LIG1: variants seen among roughly 807,000 people sequenced by gnomAD.
LIG1 encodes ligase I, DNA, ATP-dependent.
In LIG1, 70 loss-of-function variants were observed where a neutral mutation model predicts 115.7. The ratio of observed to expected loss-of-function variants is 0.60; its 90% CI spans 0.50 to 0.74. LIG1 has a LOEUF of 0.74. Ranked by LOEUF, LIG1 falls within the 30% of genes least tolerant of loss-of-function variation. The pLI is 0.00. For missense variants in LIG1, 1,115 were observed against 1,225.6 expected (o/e 0.91, Z 1.35); for synonymous variants, 487 against 495.3 (o/e 0.98, Z 0.22).
Position 48,137,491 on chromosome 19 carries a change from G to C in LIG1, c.1254+31C>G. On this transcript the variant is annotated intron_variant, in intron 13 of 27. Coordinates refer to ENST00000263274, the MANE Select transcript of LIG1 (RefSeq NM_000234.3). The surrounding 1 kb of genome is among the most constrained non-coding windows in gnomAD (Gnocchi z 4.3). ...TGGCCTCAGGTCCCCAAGATGTCTG[G>C]GGTCCGGGATGAGCGGCCCGCCCCA... 1.3e-5 allele frequency: 21 copies of C among 1,607,908 alleles called. No individual in the cohort carries two copies. Among genetic ancestry groups the C allele is most frequent in the Non-Finnish European group, 1.7e-5 (20 of 1,179,854 alleles).
intron 19 of LIG1, among the ~76,000 whole-genome samples, chr19:48,129,117 A>G (rs1163122551): frequency 6.6e-6 from 1 of 151,388 alleles, no homozygotes; most frequent in Non-Finnish European, 1.5e-5. Context: ...CAGTGGTGCA[A>G]TCTCCGCTCA....
At chr19:48,152,818 C>T (rs965198357) in intron 6 of LIG1, among the ~76,000 whole-genome samples, 24 of 152,112 alleles carry the variant, frequency 1.6e-4, no homozygotes, top group Admixed American at 6.5e-5. Context: ...CAGGAAATGA[C>T]GTTGGCAGTT....
chr19:48,136,047 CGT>C lies in LIG1; in HGVS notation c.1408_1409del (p.Thr470AlafsTer89). ...ACAGGAGCTCACCTTGGCCCGGGGG[CGT>C]GAGGCTCACTGCCTGGGAGAGGGCA... Reference protein sequence around the residue: ...LAALSQAVSLTPPGQEFPPAM... With the variant: ...LAALSQAVSLXPPGQEFPPAM... On this transcript the variant is annotated frameshift_variant, in exon 15 of 28. Transcript: ENST00000263274. LOFTEE classifies it high-confidence loss of function. 1 of 1,566,038 alleles carries C rather than the reference CGT, an allele frequency of 6.4e-7. No homozygotes were observed. Among genetic ancestry groups the C allele is most frequent in the South Asian group, 1.2e-5 (1 of 85,092 alleles).
chr19:48,133,530 C>T (rs1360751298), intron 17 of LIG1: 8 of 307,688 alleles, frequency 2.6e-5, no homozygotes, highest in Non-Finnish European at 4.4e-5. Flanking sequence ...TCCCTGGCCA[C>T]CTCCCTTGCT....
intron 21 of LIG1, chr19:48,127,000 G>A (rs184112747): frequency 2.7e-5 from 13 of 474,290 alleles, no homozygotes; most frequent in Admixed American, 6.6e-5. Flanking sequence ...ATTCTCCTGC[G>A]TGCTTCTACG....
chr19:48,161,190 G>A (rs1485389915), intron 4 of LIG1, 182 bp downstream of exon 4: 15 of 792,222 alleles, frequency 1.9e-5, no homozygotes, highest in African/African-American at 6.8e-5. Context: ...GAGCCCACCC[G>A]AGGTCCTAGG....
In LIG1 at chr19:48,131,070, G is replaced by A. The variant is rs2033990065; in HGVS notation, c.1821+6C>T. 1 of 1,612,058 alleles carries A rather than the reference G, an allele frequency of 6.2e-7. No individual in the cohort carries two copies. The highest frequency in any genetic ancestry group is 8.5e-7 in the Non-Finnish European group (1 of 1,178,128). ...GGCAGAGTGCAAGTGTGTGGCAGACGCCCACCTTGGGGATGCGGCTGATGA... is the reference window on the plus strand; with the variant it reads ...GGCAGAGTGCAAGTGTGTGGCAGACACCCACCTTGGGGATGCGGCTGATGA... On this transcript the variant is annotated splice_donor_region_variant and intron_variant, in intron 19 of 27. Coordinates refer to ENST00000263274, the MANE Select transcript of LIG1 (RefSeq NM_000234.3).
intron 6 of LIG1, among the ~76,000 whole-genome samples, chr19:48,151,646 G>A (rs2122862364): frequency 1.3e-5 from 2 of 152,202 alleles, no homozygotes; most frequent in Admixed American, 1.3e-4. Flanking sequence ...GGCCAGGCTG[G>A]TCTTGAACTA....
rs548324546 is a variant in LIG1 at position 48,121,669 on chromosome 19, C to T, written c.2233-347G>A. On this transcript the variant is annotated intron_variant, in intron 23 of 27. Transcript: ENST00000263274. ...ATACAAAATTAGCCGGGCGTGGTGG[C>T]GTGTGCCTGTAATCCCAGCTACTTG... is the stretch of plus-strand genomic sequence containing the variant. Among the ~76,000 whole-genome samples the T allele has an allele frequency of 2.6e-5, 4 of 152,206 alleles. No homozygotes were observed. The East Asian group carries it at 5.8e-4, about 22-fold the overall frequency.
In LIG1 at chr19:48,151,291, T is replaced by A; in HGVS notation, c.515A>T (p.Glu172Val). ...CTGGTCCCCGTCTTCTCCTTCCTTC[T>A]CTGTGGCCACTTCAGCCTCTGTGAG... is the stretch of plus-strand genomic sequence containing the variant. Reference protein sequence around the residue: ...ESLTEAEVATEKEGEDGDQPT... With the variant: ...ESLTEAEVATVKEGEDGDQPT... Residue 172 changes from glutamate (E) to valine (V), a missense_variant, in exon 7 of 28, where the codon GAG (glutamate) becomes GTG (valine). By Grantham distance (121) the Glu-to-Val change is moderately radical. Transcript: ENST00000263274. 6.2e-7 allele frequency: 1 copy of A among 1,613,962 alleles called. No homozygotes were observed.
At chr19:48,121,575 G>A (rs1240722154) in intron 23 of LIG1, among the ~76,000 whole-genome samples, 1 of 152,188 alleles carries the variant, frequency 6.6e-6, no homozygotes, top group Non-Finnish European at 1.5e-5. Context: ...GCCGAGGCGG[G>A]TGGATCACCT....
At chr19:48,165,711 A>G in intron 1 of LIG1, 88 bp from the exon 2 acceptor site, 1 of 985,586 alleles carries the variant, frequency 1.0e-6, no homozygotes, top group Non-Finnish European at 1.6e-6. Flanking sequence ...GAAAGAAAGA[A>G]AAAAAAAAAC....
chr19:48,118,156 G>C (rs2032997156), intron 25 of LIG1, among the ~76,000 whole-genome samples: 1 of 152,142 alleles, frequency 6.6e-6, no homozygotes, highest in South Asian at 2.1e-4. Flanking sequence ...GACACAGTGG[G>C]ACAGGGACAG....
chr19:48,162,139 G>T, intron 3 of LIG1, 123 bp downstream of exon 3: 1 of 839,688 alleles, frequency 1.2e-6, no homozygotes, highest in Non-Finnish European at 2.1e-6. Context: ...TGGACTTCTG[G>T]CCACCTGGCT....
rs2032778043 is a variant in LIG1 at position 48,115,953 on chromosome 19, T to C, written c.2596A>G (p.Lys866Glu). The C allele has an allele frequency of 6.2e-7, 1 of 1,613,656 alleles. No homozygotes were observed. The change falls in exon 27 of 28, where the codon AAG becomes GAG. Residue 866 changes from lysine to glutamate, a missense_variant. By Grantham distance (56) the Lys-to-Glu change is moderately conservative. Coordinates refer to ENST00000263274, the MANE Select transcript of LIG1 (RefSeq NM_000234.3). ...PAARGLVDSD[K>E]GISLRFPRFI... Reference sequence around the variant, plus strand: ...CGAGGGAAGCGAAGGGAGATGCCCTTGTCACTATCCACCTGCGGAAGCGGG... The same window carrying C: ...CGAGGGAAGCGAAGGGAGATGCCCTCGTCACTATCCACCTGCGGAAGCGGG...
rs56165744 is a variant in LIG1, at chr19:48,123,199, G to A, written c.2124C>T (p.Ala708=). Residue 708 remains alanine (A), a synonymous_variant, in exon 22 of 28, where the codon GCC becomes GCT. Transcript: ENST00000263274. The part of the protein sequence containing the change: ...SLDTKDIEQI[A]EFLEQSVKDS... ...CTTTCACTGACTGCTCCAGGAACTC[G>A]GCGATCTGCTCGATGTCCTTGGTGT... 7.4e-6 allele frequency: 12 copies of A among 1,613,906 alleles called. No individual in the cohort carries two copies. Among genetic ancestry groups the A allele is most frequent in the East Asian group, 4.5e-5 (2 of 44,880 alleles).
At position 48,137,408 on chromosome 19, in the gene LIG1, GAGA is replaced by G. The variant is rs2034458996; in HGVS notation, c.1254+111_1254+113del. 3 of 1,348,224 alleles carry G rather than the reference GAGA, an allele frequency of 2.2e-6. No individual in the cohort carries two copies. The African/African-American group carries it at 4.3e-5, about 19-fold the overall frequency. The allele number at this position is 1,348,224 out of a possible 1,614,324, so 83.5% of individuals were successfully genotyped here. ...GAGGAGAGGAAGCTGTGCACCCCATGAGAAGGACTGATGCGACCCAGCTGATGG... is the reference window on the plus strand; with the variant it reads ...GAGGAGAGGAAGCTGTGCACCCCATGAGGACTGATGCGACCCAGCTGATGG... On this transcript the variant is annotated intron_variant, in intron 13 of 27. Transcript: ENST00000263274. The surrounding 1 kb of genome is among the most constrained non-coding windows in gnomAD (Gnocchi z 4.3).
At chr19:48,150,292 T>A (rs763260018) in intron 7 of LIG1, 82 bp from the exon 8 acceptor site, 1 of 1,592,662 alleles carries the variant, frequency 6.3e-7, no homozygotes, top group Non-Finnish European at 8.6e-7. Context: ...CCCAAGATCA[T>A]TCTGACCCTG....
chr19:48,118,893 G>A (rs2033063463), intron 25 of LIG1, among the ~76,000 whole-genome samples: 1 of 152,226 alleles, frequency 6.6e-6, no homozygotes, highest in Admixed American at 6.5e-5. Flanking sequence ...AACCCCTGGT[G>A]TGAATGAGGC....
Sources: gnomAD v4.1 joint callset for allele counts (sites outside exome capture counted in the v4.1 genomes callset) on GRCh38, gnomAD v4.1.1 for gene constraint, Gnocchi (gnomAD v3.1) non-coding constraint, MANE v1.5 for transcripts, NCBI Gene and HGNC (gene_info 2026-07-23, HGNC 2026-07-21) for gene names.